Variants in GRHL2 observed in about 807,000 individuals in gnomAD.
The protein encoded by GRHL2 is grainyhead-like protein 2 homolog.
In GRHL2, 21 loss-of-function variants were observed where a neutral mutation model predicts 83.8. The ratio of observed to expected loss-of-function variants is 0.25; its 90% CI spans 0.18 to 0.36. The LOEUF (loss-of-function observed/expected upper bound fraction) is 0.36. Ranked by LOEUF, GRHL2 falls within the 10% of genes least tolerant of loss-of-function variation. The pLI is 1.00. For synonymous variants in GRHL2, 280 were observed against 278.9 expected (o/e 1.00, Z -0.04); for missense variants, 623 against 781.8 (o/e 0.80, Z 2.42).
chr8:101,565,391 A>G (rs1242788541), intron 4 of GRHL2, among the ~76,000 whole-genome samples: 1 of 152,194 alleles, frequency 6.6e-6, no homozygotes, highest in Non-Finnish European at 1.5e-5. Flanking sequence ...TCAGTTAACA[A>G]TAGTTTCTGG....
intron 1 of GRHL2, among the ~76,000 whole-genome samples, chr8:101,504,143 T>C (rs148701499): frequency 7.9e-5 from 12 of 152,308 alleles, no homozygotes; most frequent in Middle Eastern, 3.4e-3. Flanking sequence ...GCAGGTAGAA[T>C]TGACCCGATC....
At chr8:101,594,610 C>T (rs560425019) in intron 7 of GRHL2, among the ~76,000 whole-genome samples, 13 of 152,294 alleles carry the variant, frequency 8.5e-5, no homozygotes, top group Admixed American at 5.2e-4. Context: ...CTTTGAGAGT[C>T]GTGAAGTGGG....
chr8:101,586,173 G>A (rs1586121084), intron 7 of GRHL2, among the ~76,000 whole-genome samples: 1 of 147,828 alleles, frequency 6.8e-6, no homozygotes, highest in Non-Finnish European at 1.5e-5. Context: ...TCCGCTTCCC[G>A]GGTTCACGCC....
intron 1 of GRHL2, among the ~76,000 whole-genome samples, chr8:101,503,814 G>A (rs1408308245): frequency 3.9e-5 from 6 of 152,118 alleles, no homozygotes; most frequent in African/African-American, 1.4e-4. Flanking sequence ...ATATCAGAAT[G>A]TTTATAGGCA....
At chr8:101,537,250 A>G (rs577732401) in intron 1 of GRHL2, among the ~76,000 whole-genome samples, 1 of 152,376 alleles carries the variant, frequency 6.6e-6, no homozygotes, top group East Asian at 1.9e-4. Context: ...CAGGTACTAT[A>G]TATCTGTTAG....
In GRHL2 at chr8:101,541,147, G is replaced by GGTGT. The variant is rs56763374; in HGVS notation, c.21-2053_21-2050dup. On this transcript the variant is annotated intron_variant, in intron 1 of 15. Transcript: ENST00000646743. ...TTTTAATGGCTGAGTACTATTTCAT[G>GGTGT]GTGTGTGTGTGTGTGTGTGTGTGTG... 4.4e-3 allele frequency among the ~76,000 whole-genome samples: 631 copies of GGTGT among 144,340 alleles called. 5 individuals are homozygous for GGTGT. Among genetic ancestry groups the GGTGT allele is most frequent in the East Asian group, 0.016 (80 of 4,860 alleles). 94.7% of individuals were successfully genotyped at this position (144,340 alleles called of 152,430 possible).
intron 14 of GRHL2, among the ~76,000 whole-genome samples, chr8:101,663,153 T>A (rs1166616385): frequency 1.3e-5 from 2 of 152,142 alleles, no homozygotes; most frequent in East Asian, 3.8e-4. Context: ...ATGGAATATG[T>A]GGGTCAAAGG....
intron 5 of GRHL2, among the ~76,000 whole-genome samples, 185 bp from the exon 6 acceptor site, chr8:101,573,483 G>A (rs1811867614): frequency 6.6e-6 from 1 of 152,138 alleles, no homozygotes; most frequent in African/African-American, 2.4e-5. Context: ...TGTTAGAAAT[G>A]TTGTATACAT....
intron 7 of GRHL2, among the ~76,000 whole-genome samples, chr8:101,589,145 T>C (rs1811683758): frequency 6.6e-6 from 1 of 152,246 alleles, no homozygotes; most frequent in Admixed American, 6.5e-5. Context: ...AACTGGCATA[T>C]GCTTGAGTAG....
rs1180285028 is a variant in GRHL2 at position 101,649,596 on chromosome 8, A to G, written c.1698+97A>G. 6.9e-6 allele frequency: 6 copies of G among 868,208 alleles called. No individual in the cohort carries two copies. In the East Asian group the frequency reaches 1.5e-4, roughly 22 times the overall value. 53.8% of individuals were successfully genotyped at this position (868,208 alleles called of 1,614,324 possible). On this transcript the variant is annotated intron_variant, in intron 14 of 15. Coordinates refer to ENST00000646743, the MANE Select transcript of GRHL2 (RefSeq NM_024915.4). ...CGTGCAGCCACCGAGATGGCTTCAG[A>G]ATGAGCTTTATACAGAACAAGAAAA...
chr8:101,511,742 A>G (rs970871639), intron 1 of GRHL2, among the ~76,000 whole-genome samples: 1 of 152,022 alleles, frequency 6.6e-6, no homozygotes, highest in Admixed American at 6.5e-5. Flanking sequence ...AAATACAGAC[A>G]ACTTTTCCCC....
intron 1 of GRHL2, among the ~76,000 whole-genome samples, chr8:101,525,418 TAAA>T (rs1002428346): frequency 6.6e-6 from 1 of 152,208 alleles, no homozygotes; most frequent in African/African-American, 2.4e-5. Context: ...CAGTAAATTT[TAAA>T]AAATACTTAT....
intron 4 of GRHL2, chr8:101,562,249 A>G (rs1302487248): frequency 3.3e-6 from 2 of 600,740 alleles, no homozygotes; most frequent in Non-Finnish European, 6.2e-6. Context: ...TCTCACTGGT[A>G]TTCGATAGGT....
intron 13 of GRHL2, among the ~76,000 whole-genome samples, chr8:101,648,474 G>A (rs1813557392): frequency 6.6e-6 from 1 of 152,218 alleles, no homozygotes; most frequent in Admixed American, 6.5e-5. Flanking sequence ...TGCTTGCTGT[G>A]TGCAGGCCCT....
Position 101,543,480 on chromosome 8 carries a change from C to T in GRHL2, c.216+44C>T, listed in dbSNP as rs754709953. On this transcript the variant is annotated intron_variant, in intron 2 of 15. Transcript: ENST00000646743. ...CTTTTCTCTTCTTCCTGCTCCAGGA[C>T]AACCCTTTGCTGGTGGGAAGAAGGA... 9.0e-6 allele frequency: 14 copies of T among 1,552,834 alleles called. 1 individual carries two copies. In the East Asian group the frequency reaches 3.1e-4, roughly 35 times the overall value.
chr8:101,629,275 GA>G (rs1813137410), intron 9 of GRHL2, among the ~76,000 whole-genome samples: 1 of 151,240 alleles, frequency 6.6e-6, no homozygotes, highest in Non-Finnish European at 1.5e-5. Context: ...TTAGCAAAAA[GA>G]ATACAACTTG....
At chr8:101,576,270 G>A (rs1339842234) in intron 6 of GRHL2, among the ~76,000 whole-genome samples, 1 of 152,192 alleles carries the variant, frequency 6.6e-6, no homozygotes, top group Non-Finnish European at 1.5e-5. Flanking sequence ...CTGGAGTACA[G>A]TGGCATGATC....
chr8:101,504,123 C>T (rs1042303080), intron 1 of GRHL2, among the ~76,000 whole-genome samples: 1 of 152,164 alleles, frequency 6.6e-6, no homozygotes, highest in Admixed American at 6.5e-5. Context: ...CTACTTGCTG[C>T]TTGCTTGTTG....
chr8:101,634,017 T>C (rs1813236358), intron 11 of GRHL2, among the ~76,000 whole-genome samples: 1 of 152,198 alleles, frequency 6.6e-6, no homozygotes. Flanking sequence ...TCCGCTGACC[T>C]CTCCTGCCCC....
Sources: gnomAD v4.1 joint callset for allele counts (sites outside exome capture counted in the v4.1 genomes callset) on GRCh38, gnomAD v4.1.1 for gene constraint, MANE v1.5 for transcripts, NCBI Gene and HGNC (gene_info 2026-07-23, HGNC 2026-07-21) for gene names.